The following FBH1 variants were observed in gnomAD, a reference collection of about 807,000 sequenced individuals.
FBH1 encodes the protein DNA 3'-5' helicase 1.
Under a neutral mutation model 115.5 loss-of-function variants are expected in FBH1, and 43 were observed. That is an observed-to-expected ratio of 0.37 (90% CI 0.29 to 0.48). The LOEUF is 0.48. Ranked by LOEUF, FBH1 falls within the 20% of genes least tolerant of loss-of-function variation. FBH1 has a pLI of 0.99. For synonymous variants in FBH1, 524 were observed against 507.8 expected, an observed-to-expected ratio of 1.03 and a Z score of -0.43; for missense variants, 1,001 against 1,337.3, an observed-to-expected ratio of 0.75 and a Z score of 3.92.
chr10:5,892,811 T>C (rs1161880950), intron 1 of FBH1, among the ~76,000 whole-genome samples: 2 of 152,258 alleles, frequency 1.3e-5, no homozygotes, highest in Admixed American at 1.3e-4. Flanking sequence ...ATCTTTTATC[T>C]TTCTGTCTTG....
In FBH1 at chr10:5,917,076, C is replaced by A. The variant is rs1045412855; in HGVS notation, c.1789-344C>A. 22 of 255,272 alleles carry A rather than the reference C, an allele frequency of 8.6e-5. 1 individual carries two copies. The highest frequency in any genetic ancestry group is 4.4e-4 in the African/African-American group (20 of 45,250). 15.8% of individuals were successfully genotyped at this position (255,272 alleles called of 1,614,324 possible). A position where few individuals can be genotyped will look rare whatever the true frequency, so the allele number is the denominator to read the frequency against. On this transcript the variant is annotated intron_variant, in intron 10 of 20. Transcript: ENST00000362091. This position sits in a 1 kb window ranked among gnomAD's most constrained non-coding sequence, Gnocchi z 5.6. The stretch of plus-strand genomic sequence containing the variant: ...ATTTTGCTAGTGGGAAAGTCTGTTT[C>A]TTTTTTTCATCAAGTCTTTTCAATC...
In FBH1 at chr10:5,900,896, A is replaced by G. The variant is rs1843305626; in HGVS notation, c.2-2124A>G. The stretch of plus-strand genomic sequence containing the variant: ...CGGATCACTTGAGGCCAGGAGTTCG[A>G]GACCAGCCTGGCCAACATAGTAAAA... On this transcript the variant is annotated intron_variant, in intron 1 of 20. Transcript: ENST00000362091. This position sits in a 1 kb window ranked among gnomAD's most constrained non-coding sequence, Gnocchi z 4.2. 6.6e-6 allele frequency among the ~76,000 whole-genome samples: 1 copy of G among 152,132 alleles called. No homozygotes were observed. The highest frequency in any genetic ancestry group is 1.5e-5 in the Non-Finnish European group (1 of 68,032).
Position 5,935,864 on chromosome 10 carries a change from T to A in FBH1, c.2830-592T>A, listed in dbSNP as rs1754984361. On this transcript the variant is annotated intron_variant, in intron 19 of 20. Coordinates refer to ENST00000362091, the MANE Select transcript of FBH1 (RefSeq NM_178150.3). The surrounding 1 kb of genome is among the most constrained non-coding windows in gnomAD (Gnocchi z 5.2). ...CTTGTGGTGTTTCCAGCCTGGGAGG[T>A]CACTAGTGCTTCCTCTGGGTGCTCC... The A allele has an allele frequency of 6.6e-6, 1 of 152,524 alleles. No homozygotes were observed. Among genetic ancestry groups the A allele is most frequent in the South Asian group, 2.1e-4 (1 of 4,848 alleles). The allele number at this position is 152,524 out of a possible 1,614,324, so 9.4% of individuals were successfully genotyped here. A position where few individuals can be genotyped will look rare whatever the true frequency, so the allele number is the denominator to read the frequency against.
intron 6 of FBH1, among the ~76,000 whole-genome samples, chr10:5,912,084 A>G (rs748038988): frequency 5.3e-5 from 8 of 152,148 alleles, no homozygotes; most frequent in Non-Finnish European, 7.4e-5. Context: ...GAATAAGGCC[A>G]GGCTTGGTGG....
Position 5,894,077 on chromosome 10 carries a change from G to C in FBH1, c.1+3731G>C, listed in dbSNP as rs1209507441. The C allele has an allele frequency of 3.0e-6, 3 of 985,250 alleles. 1 individual carries two copies. The highest frequency in any genetic ancestry group is 9.4e-5 in the South Asian group (2 of 21,288). The allele number at this position is 985,250 out of a possible 1,614,324, so 61.0% of individuals were successfully genotyped here. ...GGTGTCTCAGATGTGAGAGGATCCC[G>C]GGGAGATTGAGCTTACTGCCTGGGA... is the stretch of plus-strand genomic sequence containing the variant. On this transcript the variant is annotated intron_variant, in intron 1 of 20. Transcript: ENST00000362091.
At position 5,913,742 on chromosome 10, in the gene FBH1, G is replaced by C; in HGVS notation, c.1212-5G>C. 6.5e-7 allele frequency: 1 copy of C among 1,533,912 alleles called. No individual in the cohort carries two copies. Among genetic ancestry groups the C allele is most frequent in the African/African-American group, 1.4e-5 (1 of 70,040 alleles). ...ACTTTCTAAATCTACTTTTTTTTCT[G>C]GTAGGATTCACTACAACATTTTCTA... On this transcript the variant is annotated splice_region_variant and splice_polypyrimidine_tract_variant and intron_variant, in intron 6 of 20. Coordinates refer to ENST00000362091, the MANE Select transcript of FBH1 (RefSeq NM_178150.3). This position sits in a 1 kb window ranked among gnomAD's most constrained non-coding sequence, Gnocchi z 4.4.
chr10:5,914,346 C>T lies in FBH1; in HGVS notation c.1396+77C>T. The stretch of plus-strand genomic sequence containing the variant: ...CCTACATCCCCTTCCCGCTACCTGC[C>T]AGGGCATCTTTGCTCTGATCTGTCA... On this transcript the variant is annotated intron_variant, in intron 8 of 20. Transcript: ENST00000362091. The surrounding 1 kb of genome is among the most constrained non-coding windows in gnomAD (Gnocchi z 5.2). 8.3e-7 allele frequency: 1 copy of T among 1,204,126 alleles called. No individual in the cohort carries two copies. Among genetic ancestry groups the T allele is most frequent in the Admixed American group, 1.7e-5 (1 of 58,132 alleles). The allele number at this position is 1,204,126 out of a possible 1,614,324, so 74.6% of individuals were successfully genotyped here.
At position 5,923,131 on chromosome 10, in the gene FBH1, C is replaced by T. The variant is rs955843803; in HGVS notation, c.2323-490C>T. Among the ~76,000 whole-genome samples the T allele has an allele frequency of 6.6e-6, 1 of 152,188 alleles. No individual in the cohort carries two copies. Among genetic ancestry groups the T allele is most frequent in the Non-Finnish European group, 1.5e-5 (1 of 68,036 alleles). ...CTCCTGGCCTCAAGTGATCCACCTG[C>T]CTCAGCCTCCCAAAGTGCTGGGATT... On this transcript the variant is annotated intron_variant, in intron 15 of 20. Coordinates refer to ENST00000362091, the MANE Select transcript of FBH1 (RefSeq NM_178150.3). This position sits in a 1 kb window ranked among gnomAD's most constrained non-coding sequence, Gnocchi z 5.7.
In FBH1 at chr10:5,933,744, G is replaced by C. The variant is rs1306275691; in HGVS notation, c.2830-2712G>C. Among the ~76,000 whole-genome samples the C allele has an allele frequency of 6.6e-6, 1 of 151,970 alleles. No individual in the cohort carries two copies. The highest frequency in any genetic ancestry group is 1.5e-5 in the Non-Finnish European group (1 of 67,996). ...CGCAACCTCGGCCTCCTGGGTTCAA[G>C]CTGTTCTCCTGTGTCAGCCTCTCAA... On this transcript the variant is annotated intron_variant, in intron 19 of 20. Coordinates refer to ENST00000362091, the MANE Select transcript of FBH1 (RefSeq NM_178150.3). This position sits in a 1 kb window ranked among gnomAD's most constrained non-coding sequence, Gnocchi z 4.9.
At chr10:5,922,763 G>A (rs17404756) in intron 15 of FBH1, among the ~76,000 whole-genome samples, 8,366 of 152,290 alleles carry the variant, frequency 0.055, 311 homozygotes, top group South Asian at 0.096. Flanking sequence ...TGTGAGTGCC[G>A]GAGCCCAGCC....
intron 6 of FBH1, among the ~76,000 whole-genome samples, chr10:5,912,361 T>TAAA (rs34703842): frequency 1.4e-5 from 2 of 138,402 alleles, no homozygotes; most frequent in Non-Finnish European, 1.6e-5. Flanking sequence ...AGGCTCTGTC[T>TAAA]AAAAAAAAAA....
Position 5,890,271 on chromosome 10 carries a change from G to A in FBH1, c.-75G>A, listed in dbSNP as rs1462758045. 5.4e-6 allele frequency: 2 copies of A among 369,178 alleles called. No individual in the cohort carries two copies. Among genetic ancestry groups the A allele is most frequent in the Non-Finnish European group, 1.0e-5 (2 of 197,602 alleles). The allele number at this position is 369,178 out of a possible 1,614,324, so 22.9% of individuals were successfully genotyped here. On this transcript the variant is annotated 5_prime_UTR_variant, in exon 1 of 21. Transcript: ENST00000362091. The stretch of plus-strand genomic sequence containing the variant: ...CCGGCCAGAGGAGGAGCTCGCTGCC[G>A]GGGGACGCTGGGCTGAGCGGCCGGC...
At chr10:5,899,805 G>T (rs755231665) in intron 1 of FBH1, among the ~76,000 whole-genome samples, 7 of 152,170 alleles carry the variant, frequency 4.6e-5, no homozygotes, top group Non-Finnish European at 7.4e-5. Flanking sequence ...GAAGGGTTTT[G>T]AACACAGGAA....
At chr10:5,898,560 G>C (rs762512397) in intron 1 of FBH1, among the ~76,000 whole-genome samples, 2 of 152,058 alleles carry the variant, frequency 1.3e-5, no homozygotes, top group Non-Finnish European at 1.5e-5. Context: ...ACAGGTGCCC[G>C]CCACCACACC....
At chr10:5,920,782 G>A (rs1389411752) in intron 13 of FBH1, among the ~76,000 whole-genome samples, 2 of 152,076 alleles carry the variant, frequency 1.3e-5, no homozygotes, top group African/African-American at 4.8e-5. Context: ...GCAGGGTCTT[G>A]GGCTGAGTTT....
Position 5,925,780 on chromosome 10 carries a change from T to C in FBH1, c.2722+288T>C, listed in dbSNP as rs149263048. On this transcript the variant is annotated intron_variant, in intron 18 of 20. Coordinates refer to ENST00000362091, the MANE Select transcript of FBH1 (RefSeq NM_178150.3). This position sits in a 1 kb window ranked among gnomAD's most constrained non-coding sequence, Gnocchi z 4.6. ...TGCACTGCCCTCAGCTCCAGGTTCT[T>C]CGCCATCAGACTTTGAGTCTCCAGC... Among the ~76,000 whole-genome samples the C allele has an allele frequency of 4.1e-3, 623 of 152,372 alleles. 2 individuals are homozygous for C. Among genetic ancestry groups the C allele is most frequent in the African/African-American group, 0.013 (538 of 41,594 alleles).
At position 5,911,406 on chromosome 10, in the gene FBH1, T is replaced by C. The variant is rs1388105006; in HGVS notation, c.1211+278T>C. ...GTCCTGCAGCCTTAGGGGAAGCCCC[T>C]CGCCAAGAGAAGCCTTTCTTATTCA... is the stretch of plus-strand genomic sequence containing the variant. On this transcript the variant is annotated intron_variant, in intron 6 of 20. Transcript: ENST00000362091. This position sits in a 1 kb window ranked among gnomAD's most constrained non-coding sequence, Gnocchi z 5.4. Among the ~76,000 whole-genome samples, 1 of 152,204 alleles carries C rather than the reference T, an allele frequency of 6.6e-6. No individual in the cohort carries two copies. The highest frequency in any genetic ancestry group is 1.5e-5 in the Non-Finnish European group (1 of 68,034).
At position 5,906,921 on chromosome 10, in the gene FBH1, C is replaced by T. The variant is rs1275191332; in HGVS notation, c.753+289C>T. 6.6e-6 allele frequency among the ~76,000 whole-genome samples: 1 copy of T among 152,128 alleles called. No individual in the cohort carries two copies. Among genetic ancestry groups the T allele is most frequent in the East Asian group, 1.9e-4 (1 of 5,198 alleles). ...CCCCTCCCTGGGTTGCTCTCATCCT[C>T]CCACCTTCCCCACCTGGAGGGTTCC... is the stretch of plus-strand genomic sequence containing the variant. On this transcript the variant is annotated intron_variant, in intron 3 of 20. Transcript: ENST00000362091. The surrounding 1 kb of genome is among the most constrained non-coding windows in gnomAD (Gnocchi z 7.3).
In FBH1 at chr10:5,909,240, C is replaced by A. The variant is rs41306405; in HGVS notation, c.966C>A (p.Pro322=). Residue 322 remains proline, a synonymous_variant, in exon 5 of 21, where the codon CCC becomes CCA. Coordinates refer to ENST00000362091, the MANE Select transcript of FBH1 (RefSeq NM_178150.3). This position sits in a 1 kb window ranked among gnomAD's most constrained non-coding sequence, Gnocchi z 4.4. ...LWSLRDHPLL[P]EAEACVRQHL... ...GTCTGAGGGACCACCCCCTCCTCCCCGAGGCTGAGGCGTGTGTGCGGCAAC... is the reference window on the plus strand; with the variant it reads ...GTCTGAGGGACCACCCCCTCCTCCCAGAGGCTGAGGCGTGTGTGCGGCAAC... 6.2e-7 allele frequency: 1 copy of A among 1,613,072 alleles called. No homozygotes were observed. The highest frequency in any genetic ancestry group is 1.3e-5 in the African/African-American group (1 of 74,936).
Sources: allele counts gnomAD v4.1 joint callset (sites outside exome capture counted in the v4.1 genomes callset), GRCh38; gene constraint gnomAD v4.1.1; non-coding constraint Gnocchi (gnomAD v3.1); transcripts MANE v1.5; gene names NCBI Gene and HGNC (gene_info 2026-07-23, HGNC 2026-07-21).